FAM168A: variants seen among roughly 807,000 people sequenced by gnomAD.
FAM168A encodes the protein protein FAM168A.
In FAM168A, 3 loss-of-function variants were observed where a neutral mutation model predicts 28.5. The ratio of observed to expected loss-of-function variants is 0.11; its 90% confidence interval spans 0.05 to 0.27. The LOEUF is 0.27. Among genes scored for constraint, FAM168A ranks in the 10% least tolerant of loss-of-function variants. The pLI is 1.00. For synonymous variants in FAM168A, 122 were observed against 124.2 expected, an observed-to-expected ratio of 0.98 and a Z score of 0.12; for missense variants, 222 against 311.5, an observed-to-expected ratio of 0.71 and a Z score of 2.16.
chr11:73,545,669 T>C (rs979899048), intron 1 of FAM168A, among the ~76,000 whole-genome samples: 20 of 151,376 alleles, frequency 1.3e-4, no homozygotes, highest in African/African-American at 4.4e-4. Context: ...TTAACATTTA[T>C]TGAATACTAT....
At chr11:73,512,622 C>T (rs908291639) in intron 1 of FAM168A, among the ~76,000 whole-genome samples, 1 of 151,788 alleles carries the variant, frequency 6.6e-6, no homozygotes, top group Non-Finnish European at 1.5e-5. Flanking sequence ...AAAAACCAAC[C>T]TTGCCCAGGG....
chr11:73,531,639 C>T (rs974685749), intron 1 of FAM168A, among the ~76,000 whole-genome samples: 2 of 152,016 alleles, frequency 1.3e-5, no homozygotes, highest in African/African-American at 4.8e-5. Context: ...TTACCTTACT[C>T]TCCAATTCTA....
intron 1 of FAM168A, among the ~76,000 whole-genome samples, chr11:73,498,465 G>A (rs1590817156): frequency 1.3e-5 from 2 of 152,290 alleles, no homozygotes; most frequent in East Asian, 1.9e-4. Flanking sequence ...GATTCTTACA[G>A]CCTCTTAGCT....
chr11:73,434,885 T>C (rs908157209), intron 2 of FAM168A, among the ~76,000 whole-genome samples: 4 of 152,174 alleles, frequency 2.6e-5, no homozygotes, highest in South Asian at 4.1e-4. Context: ...TAGTGGAGGT[T>C]TGAAGAGACG....
intron 1 of FAM168A, among the ~76,000 whole-genome samples, chr11:73,589,229 C>T (rs756066120): frequency 2.6e-5 from 4 of 152,048 alleles, no homozygotes; most frequent in Non-Finnish European, 5.9e-5. Context: ...AAAGTACGAA[C>T]AGACCAATGG....
chr11:73,449,129 C>A (rs1867379255), intron 2 of FAM168A, among the ~76,000 whole-genome samples: 1 of 152,042 alleles, frequency 6.6e-6, no homozygotes, highest in Admixed American at 6.6e-5. Context: ...GTGTGCGCCA[C>A]CTAATTTAAA....
chr11:73,516,672 C>T (rs938919997), intron 1 of FAM168A, among the ~76,000 whole-genome samples: 4 of 152,168 alleles, frequency 2.6e-5, no homozygotes, highest in African/African-American at 9.7e-5. Flanking sequence ...TCCATGTCCA[C>T]CTCTTCTCAT....
chr11:73,523,218 AC>A (rs1943407120), intron 1 of FAM168A, among the ~76,000 whole-genome samples: 1 of 151,930 alleles, frequency 6.6e-6, no homozygotes, highest in African/African-American at 2.4e-5. Flanking sequence ...CATTCTAAAA[AC>A]CTTTGGTCCC....
intron 1 of FAM168A, among the ~76,000 whole-genome samples, chr11:73,536,375 C>T (rs1943581248): frequency 1.3e-5 from 2 of 152,108 alleles, no homozygotes; most frequent in Admixed American, 6.5e-5. Flanking sequence ...TGAACCTCAG[C>T]CATCAACCTG....
intron 1 of FAM168A, among the ~76,000 whole-genome samples, chr11:73,474,179 T>C (rs1208532819): frequency 6.6e-6 from 1 of 152,074 alleles, no homozygotes; most frequent in African/African-American, 2.4e-5. Flanking sequence ...GACTAGGTAA[T>C]TAATAATGAA....
chr11:73,550,740 G>A (rs1351731903), intron 1 of FAM168A, among the ~76,000 whole-genome samples: 1 of 152,070 alleles, frequency 6.6e-6, no homozygotes, highest in African/African-American at 2.4e-5. Flanking sequence ...AAATGTCATG[G>A]ATGAAGATAC....
intron 1 of FAM168A, among the ~76,000 whole-genome samples, chr11:73,523,311 C>T (rs1047992361): frequency 6.6e-6 from 1 of 152,016 alleles, no homozygotes; most frequent in African/African-American, 2.4e-5. Context: ...GCATAATGAT[C>T]ATTTATAATT....
At chr11:73,556,304 G>A (rs916024413) in intron 1 of FAM168A, among the ~76,000 whole-genome samples, 6 of 151,688 alleles carry the variant, frequency 4.0e-5, no homozygotes, top group Non-Finnish European at 5.9e-5. Flanking sequence ...AGCTATGATC[G>A]TGCCACTGCA....
At chr11:73,453,258 T>C (rs1162258598) in intron 2 of FAM168A, among the ~76,000 whole-genome samples, 1 of 152,186 alleles carries the variant, frequency 6.6e-6, no homozygotes, top group Non-Finnish European at 1.5e-5. Context: ...ACCCATCCAC[T>C]AGAGGAACAA....
chr11:73,589,274 TAAAG>T (rs573380363), intron 1 of FAM168A, among the ~76,000 whole-genome samples: 25 of 151,574 alleles, frequency 1.6e-4, no homozygotes, highest in Non-Finnish European at 3.4e-4. Context: ...TAAAAAATAA[TAAAG>T]AAAAAAACAG....
intron 1 of FAM168A, among the ~76,000 whole-genome samples, chr11:73,521,661 G>A (rs1190134845): frequency 6.6e-6 from 1 of 152,124 alleles, no homozygotes; most frequent in Non-Finnish European, 1.5e-5. Context: ...GGAGCTTGCA[G>A]CTAATGTCTG....
At chr11:73,563,335 A>T (rs1250980865) in intron 1 of FAM168A, among the ~76,000 whole-genome samples, 1 of 152,232 alleles carries the variant, frequency 6.6e-6, no homozygotes. Context: ...CTTATCTAAT[A>T]ATAGCTATCT....
intron 1 of FAM168A, among the ~76,000 whole-genome samples, chr11:73,522,297 G>A (rs1022494918): frequency 1.3e-5 from 2 of 151,802 alleles, no homozygotes; most frequent in Admixed American, 6.6e-5. Flanking sequence ...CTCAGGAACC[G>A]GGGTCATCAG....
chr11:73,447,047 CAGCT>C (rs1185403165), intron 2 of FAM168A, among the ~76,000 whole-genome samples: 1 of 152,226 alleles, frequency 6.6e-6, no homozygotes, highest in Non-Finnish European at 1.5e-5. Flanking sequence ...CAACAACATA[CAGCT>C]GTTCTAACAT....
Sources: gnomAD v4.1 joint callset for allele counts (sites outside exome capture counted in the v4.1 genomes callset) on GRCh38, gnomAD v4.1.1 for gene constraint, MANE v1.5 for transcripts, NCBI Gene and HGNC (gene_info 2026-07-23, HGNC 2026-07-21) for gene names.